The following TRIM71 variants were observed in gnomAD, a reference collection of about 807,000 sequenced individuals.
TRIM71 encodes tripartite motif containing 71, also known as E3 ubiquitin-protein ligase TRIM71.
A neutral mutation model predicts 61.2 loss-of-function variants in TRIM71; 9 were observed. The ratio of observed to expected loss-of-function variants is 0.15; its 90% CI spans 0.09 to 0.26. TRIM71 has a LOEUF of 0.26. TRIM71 is among the 10% of genes least tolerant of loss of function. TRIM71 has a pLI of 1.00. For missense variants in TRIM71, 998 were observed against 1,238.7 expected (o/e 0.81, Z 2.92); for synonymous variants, 645 against 553.2 (o/e 1.17, Z -2.33).
intron 1 of TRIM71, among the ~76,000 whole-genome samples, chr3:32,847,783 G>T (rs1249238307): frequency 2.0e-5 from 3 of 152,186 alleles, no homozygotes; most frequent in Non-Finnish European, 2.9e-5. Flanking sequence ...CTGAGTCTTG[G>T]CTTAGCTGGC....
Position 32,818,024 on chromosome 3 carries a change from T to G in TRIM71, c.-57T>G. 7.9e-7 allele frequency: 1 copy of G among 1,272,882 alleles called. No homozygotes were observed. Among genetic ancestry groups the G allele is most frequent in the South Asian group, 1.4e-5 (1 of 74,006 alleles). 78.8% of individuals were successfully genotyped at this position (1,272,882 alleles called of 1,614,324 possible). On this transcript the variant is annotated 5_prime_UTR_variant, in exon 1 of 4. Coordinates refer to ENST00000383763, the MANE Select transcript of TRIM71 (RefSeq NM_001039111.3). ...TCCCCCACCCACCTCGTCCGCTCTCTCCTCCTCCTCCTCCTCTTCCTCTCT... is the reference window on the plus strand; with the variant it reads ...TCCCCCACCCACCTCGTCCGCTCTCGCCTCCTCCTCCTCCTCTTCCTCTCT...
intron 1 of TRIM71, among the ~76,000 whole-genome samples, chr3:32,820,546 A>G (rs1042353992): frequency 1.3e-5 from 2 of 152,218 alleles, no homozygotes; most frequent in Non-Finnish European, 2.9e-5. Flanking sequence ...AATGGAGCCA[A>G]TTCACTTGCA....
rs182739094 is a variant in TRIM71 at position 32,881,170 on chromosome 3, C to T, written c.1021-4764C>T. 2.6e-5 allele frequency among the ~76,000 whole-genome samples: 4 copies of T among 152,212 alleles called. No individual in the cohort carries two copies. The East Asian group carries it at 7.7e-4, about 29-fold the overall frequency. Reference sequence around the variant, plus strand: ...AGTAGTTGGGATTACAGGTACCCGTCACCACACCTGGCTAATTTTGGTATC... The same window carrying T: ...AGTAGTTGGGATTACAGGTACCCGTTACCACACCTGGCTAATTTTGGTATC... On this transcript the variant is annotated intron_variant, in intron 2 of 3. Transcript: ENST00000383763.
At position 32,818,317 on chromosome 3, in the gene TRIM71, C is replaced by T. The variant is rs908592994; in HGVS notation, c.237C>T (p.Gly79=). The change falls in exon 1 of 4, where the codon GGC becomes GGT. Residue 79 remains glycine (G), a synonymous_variant. Transcript: ENST00000383763. ...CLEAHRLPAA[G]GGAAGEPLKL... is the part of the protein sequence containing the mutation. ...AGGCGCACCGGCTGCCGGCGGCGGG[C>T]GGCGGCGCGGCGGGAGAGCCGCTCA... 642 of 1,436,742 alleles carry T rather than the reference C, an allele frequency of 4.5e-4. 2 individuals carry two copies. The African/African-American group carries it at 8.2e-3, about 18-fold the overall frequency. The allele number at this position is 1,436,742 out of a possible 1,614,324, so 89.0% of individuals were successfully genotyped here.
At chr3:32,821,247 G>A (rs948340046) in intron 1 of TRIM71, among the ~76,000 whole-genome samples, 1 of 152,186 alleles carries the variant, frequency 6.6e-6, no homozygotes, top group African/African-American at 2.4e-5. Flanking sequence ...TACACTGAAT[G>A]CCTAAATCCA....
chr3:32,863,706 G>A (rs183604423), intron 1 of TRIM71, among the ~76,000 whole-genome samples: 4 of 151,870 alleles, frequency 2.6e-5, no homozygotes, highest in Admixed American at 1.3e-4. Flanking sequence ...TTTTTGAGAC[G>A]GAGTCTCCTC....
rs1237279265 is a variant in TRIM71 at position 32,889,881 on chromosome 3, C to T, written c.1156-479C>T. ...GCTGGGATTAGAGGCATGAGGCGTG[C>T]GTGTATGTGTGTGTGTGTGTATGTA... On this transcript the variant is annotated intron_variant, in intron 3 of 3. Coordinates refer to ENST00000383763, the MANE Select transcript of TRIM71 (RefSeq NM_001039111.3). 3.4e-5 allele frequency among the ~76,000 whole-genome samples: 5 copies of T among 148,182 alleles called. 1 individual carries two copies. The highest frequency in any genetic ancestry group is 7.5e-5 in the Non-Finnish European group (5 of 66,758).
At chr3:32,826,579 G>GTTTTTTTTT (rs1696204240) in intron 1 of TRIM71, among the ~76,000 whole-genome samples, 1 of 48,840 alleles carries the variant, frequency 2.0e-5, no homozygotes, top group African/African-American at 9.0e-5. Flanking sequence ...CATCAGGTGA[G>GTTTTTTTTT]TTCTTTTTTT....
At chr3:32,826,225 G>A (rs13065630) in intron 1 of TRIM71, among the ~76,000 whole-genome samples, 1 of 152,172 alleles carries the variant, frequency 6.6e-6, no homozygotes, top group Non-Finnish European at 1.5e-5. Flanking sequence ...TTGGGAGGCT[G>A]ACGTGGGCAG....
At chr3:32,861,966 C>G (rs1423877688) in intron 1 of TRIM71, among the ~76,000 whole-genome samples, 1 of 152,242 alleles carries the variant, frequency 6.6e-6, no homozygotes, top group Non-Finnish European at 1.5e-5. Context: ...GTGCTATCCA[C>G]TGCTTCCCAG....
At chr3:32,839,704 C>T (rs1028000851) in intron 1 of TRIM71, among the ~76,000 whole-genome samples, 2 of 151,484 alleles carry the variant, frequency 1.3e-5, no homozygotes, top group African/African-American at 4.8e-5. Flanking sequence ...TTTTATCACT[C>T]GGCACTAGCA....
chr3:32,883,951 A>ATT (rs1232247343), intron 2 of TRIM71, among the ~76,000 whole-genome samples: 1 of 152,154 alleles, frequency 6.6e-6, no homozygotes, highest in Non-Finnish European at 1.5e-5. Context: ...GGGTTTGGAA[A>ATT]TTTAGGGTGA....
rs11339536 is a variant in TRIM71 at position 32,884,540 on chromosome 3, GAAAAAAAAA to G, written c.1021-1388_1021-1380del. Reference sequence around the variant, plus strand: ...TGACAAGATTCCCCCATCTCTATTTGAAAAAAAAAAAAAAGAAAGAAAAAGAAATGCCCA... The same window carrying G: ...TGACAAGATTCCCCCATCTCTATTTGAAAAAGAAAGAAAAAGAAATGCCCA... On this transcript the variant is annotated intron_variant, in intron 2 of 3. Coordinates refer to ENST00000383763, the MANE Select transcript of TRIM71 (RefSeq NM_001039111.3). 2.2e-5 allele frequency among the ~76,000 whole-genome samples: 3 copies of G among 138,486 alleles called. No homozygotes were observed. In the South Asian group the frequency reaches 7.2e-4, roughly 33 times the overall value. The allele number at this position is 138,486 out of a possible 152,430, so 90.9% of individuals were successfully genotyped here.
chr3:32,888,492 T>G, intron 3 of TRIM71, among the ~76,000 whole-genome samples: 1 of 141,006 alleles, frequency 7.1e-6, no homozygotes, highest in Admixed American at 7.1e-5. Context: ...GTGGTGGTGG[T>G]CTCCTTTAAT....
chr3:32,861,288 T>C (rs1221722852), intron 1 of TRIM71, among the ~76,000 whole-genome samples: 2 of 150,604 alleles, frequency 1.3e-5, no homozygotes, highest in Non-Finnish European at 3.0e-5. Context: ...GCAATTCTCC[T>C]GCCTCAGCCT....
chr3:32,854,965 GGA>G (rs757898887), intron 1 of TRIM71, among the ~76,000 whole-genome samples: 17 of 152,164 alleles, frequency 1.1e-4, no homozygotes, highest in Non-Finnish European at 2.1e-4. Context: ...CAGTATTTTG[GGA>G]GAGAGAGATA....
At chr3:32,822,443 C>T (rs1338368113) in intron 1 of TRIM71, among the ~76,000 whole-genome samples, 1 of 152,154 alleles carries the variant, frequency 6.6e-6, no homozygotes, top group Non-Finnish European at 1.5e-5. Flanking sequence ...CTGGGACTGT[C>T]TCCTGGCAGG....
chr3:32,868,259 A>G (rs1263231752), intron 1 of TRIM71, among the ~76,000 whole-genome samples: 1 of 152,132 alleles, frequency 6.6e-6, no homozygotes. Flanking sequence ...TGCCCTTCAC[A>G]TGGGTGAAGG....
At chr3:32,859,292 G>A (rs867404868) in intron 1 of TRIM71, among the ~76,000 whole-genome samples, 2 of 152,080 alleles carry the variant, frequency 1.3e-5, no homozygotes, top group African/African-American at 2.4e-5. Context: ...ACAGTGTCTC[G>A]CTTTATTGCC....
Sources: gnomAD v4.1 joint callset for allele counts (sites outside exome capture counted in the v4.1 genomes callset) on GRCh38, gnomAD v4.1.1 for gene constraint, MANE v1.5 for transcripts, NCBI Gene and HGNC (gene_info 2026-07-23, HGNC 2026-07-21) for gene names.